Variants in CDH18 observed in about 807,000 individuals in gnomAD.
CDH18 encodes cadherin 18.
CDH18 carries 31 observed loss-of-function variants against 67.9 expected under a neutral mutation model. The ratio of observed to expected loss-of-function variants is 0.46; its 90% confidence interval spans 0.34 to 0.62. The LOEUF (loss-of-function observed/expected upper bound fraction) is 0.62. CDH18 is among the 20% of genes least tolerant of loss of function. CDH18 has a pLI of 0.01. For missense variants in CDH18, 890 were observed against 975.5 expected (o/e 0.91, Z 1.17); for synonymous variants, 362 against 347.2 (o/e 1.04, Z -0.48).
chr5:20,275,366 T>C (rs1403084575), intron 1 of CDH18, among the ~76,000 whole-genome samples: 1 of 152,098 alleles, frequency 6.6e-6, no homozygotes, highest in Non-Finnish European at 1.5e-5. Flanking sequence ...AGGTCATTGC[T>C]TTCCCTTCAT....
At chr5:19,476,321 T>C (rs1336255873) in intron 12 of CDH18, among the ~76,000 whole-genome samples, 2 of 152,074 alleles carry the variant, frequency 1.3e-5, no homozygotes, top group Non-Finnish European at 2.9e-5. Context: ...TACAGAAAGC[T>C]GAAAATGAAA....
chr5:19,580,331 C>A (rs1743036566), intron 7 of CDH18, among the ~76,000 whole-genome samples: 1 of 151,850 alleles, frequency 6.6e-6, no homozygotes, highest in African/African-American at 2.4e-5. Flanking sequence ...AAACTCATAA[C>A]AATTAAGGCA....
intron 1 of CDH18, among the ~76,000 whole-genome samples, chr5:20,392,414 C>T (rs1381371372): frequency 6.6e-6 from 1 of 151,502 alleles, no homozygotes; most frequent in Non-Finnish European, 1.5e-5. Context: ...TCCAATGGTC[C>T]CTATCTCTTA....
chr5:19,735,565 G>T (rs1484748850), intron 4 of CDH18, among the ~76,000 whole-genome samples: 4 of 151,570 alleles, frequency 2.6e-5, no homozygotes, highest in Non-Finnish European at 5.9e-5. Flanking sequence ...CCGGCTAATT[G>T]TTTGTATTTT....
At chr5:20,486,147 A>G (rs1487366188) in intron 1 of CDH18, among the ~76,000 whole-genome samples, 1 of 152,178 alleles carries the variant, frequency 6.6e-6, no homozygotes, top group Non-Finnish European at 1.5e-5. Flanking sequence ...CTAATTGTAA[A>G]TGTGAATGGA....
chr5:19,785,541 C>T (rs1775611702), intron 3 of CDH18, among the ~76,000 whole-genome samples: 2 of 148,044 alleles, frequency 1.4e-5, no homozygotes, highest in African/African-American at 5.0e-5. Context: ...GTAATTCCAG[C>T]TACTCAGGAG....
intron 5 of CDH18, among the ~76,000 whole-genome samples, chr5:19,695,360 G>C (rs1762408687): frequency 2.0e-5 from 3 of 152,140 alleles, no homozygotes; most frequent in South Asian, 4.1e-4. Context: ...TATCACTGCA[G>C]TGTTAAATCT....
intron 1 of CDH18, among the ~76,000 whole-genome samples, chr5:20,474,913 A>G (rs1019498323): frequency 1.3e-5 from 2 of 152,308 alleles, no homozygotes; most frequent in Non-Finnish European, 2.9e-5. Context: ...CTTTTCATTT[A>G]TTGTGCTGTC....
intron 1 of CDH18, among the ~76,000 whole-genome samples, chr5:20,562,841 C>A (rs916955772): frequency 1.3e-5 from 2 of 151,876 alleles, no homozygotes; most frequent in African/African-American, 4.8e-5. Flanking sequence ...TTTAGCACTT[C>A]TACATCTTTA....
chr5:20,190,431 C>T (rs1312542852), intron 2 of CDH18, among the ~76,000 whole-genome samples: 3 of 152,072 alleles, frequency 2.0e-5, no homozygotes, highest in Non-Finnish European at 2.9e-5. Context: ...TTCTAATCCC[C>T]GATTGATACT....
chr5:19,757,921 T>A (rs1771820477), intron 3 of CDH18, among the ~76,000 whole-genome samples: 1 of 152,176 alleles, frequency 6.6e-6, no homozygotes, highest in African/African-American at 2.4e-5. Flanking sequence ...GGGGCTGTAG[T>A]GGTGCAGCTG....
At chr5:20,189,872 T>G (rs1018352815) in intron 2 of CDH18, among the ~76,000 whole-genome samples, 1 of 152,174 alleles carries the variant, frequency 6.6e-6, no homozygotes, top group Admixed American at 6.6e-5. Context: ...TATTCACTAT[T>G]CTTTATTACT....
At chr5:20,261,847 A>G (rs957839706) in intron 1 of CDH18, among the ~76,000 whole-genome samples, 2 of 152,204 alleles carry the variant, frequency 1.3e-5, no homozygotes, top group Admixed American at 1.3e-4. Context: ...ATCATCAGCA[A>G]TACAACTCCA....
rs545093924 is a variant in CDH18, at chr5:20,553,457, A to G, written c.-580+22005T>C. On this transcript the variant is annotated intron_variant, in intron 1 of 14. Coordinates refer to the CDH18 transcript ENST00000507958. The stretch of plus-strand genomic sequence containing the variant: ...CAAAACAAACAACAACAAAACAGAA[A>G]CAACGCTAACATTTATTGGGCTAAT... Among the ~76,000 whole-genome samples the G allele has an allele frequency of 9.2e-5, 14 of 152,330 alleles. No homozygotes were observed. In the South Asian group the frequency reaches 2.7e-3, roughly 29 times the overall value.
At chr5:19,722,836 T>A (rs1428477440) in intron 4 of CDH18, among the ~76,000 whole-genome samples, 1 of 152,188 alleles carries the variant, frequency 6.6e-6, no homozygotes, top group East Asian at 1.9e-4. Context: ...AATTTTGTAT[T>A]CATTTTGGTA....
intron 2 of CDH18, among the ~76,000 whole-genome samples, chr5:20,129,064 T>G (rs1749055469): frequency 6.6e-6 from 1 of 152,016 alleles, no homozygotes; most frequent in African/African-American, 2.4e-5. Context: ...GATTTTGGAT[T>G]CAGAAACAGT....
At chr5:20,530,070 C>T (rs928988152) in intron 1 of CDH18, among the ~76,000 whole-genome samples, 1 of 151,954 alleles carries the variant, frequency 6.6e-6, no homozygotes, top group African/African-American at 2.4e-5. Context: ...GTGCAGAAAT[C>T]ACAAGCATTC....
chr5:20,023,914 G>A (rs1738661495), intron 2 of CDH18, among the ~76,000 whole-genome samples: 1 of 152,086 alleles, frequency 6.6e-6, no homozygotes, highest in Non-Finnish European at 1.5e-5. Context: ...ACTCAATTCT[G>A]CACAGTTTCC....
rs543655113 is a variant in CDH18 at position 19,744,697 on chromosome 5, T to C, written c.523+2245A>G. Among the ~76,000 whole-genome samples the C allele has an allele frequency of 5.9e-5, 9 of 152,348 alleles. No individual in the cohort carries two copies. The East Asian group carries it at 1.3e-3, about 23-fold the overall frequency. ...TTATTTTGCCCTAGCTGATGGATCA[T>C]ATTTGTCTAAACAATAGATTTGGGG... is the stretch of plus-strand genomic sequence containing the variant. On this transcript the variant is annotated intron_variant, in intron 4 of 12. Transcript: ENST00000382275.
Sources: gnomAD v4.1 joint callset for allele counts (sites outside exome capture counted in the v4.1 genomes callset) on GRCh38, gnomAD v4.1.1 for gene constraint, MANE v1.5 for transcripts, NCBI Gene and HGNC (gene_info 2026-07-23, HGNC 2026-07-21) for gene names.